ZFYVE9: variants seen among roughly 807,000 people sequenced by gnomAD.
ZFYVE9 encodes zinc finger FYVE domain-containing protein 9.
ZFYVE9 carries 43 observed loss-of-function variants against 126.7 expected under a neutral mutation model. That is an observed-to-expected ratio of 0.34 (90% CI 0.27 to 0.44). The LOEUF is 0.44. ZFYVE9 is among the 20% of genes least tolerant of loss of function. ZFYVE9 has a pLI of 1.00. For missense variants in ZFYVE9, 1,476 were observed against 1,697.0 expected, an observed-to-expected ratio of 0.87 and a Z score of 2.29; for synonymous variants, 521 against 597.4, an observed-to-expected ratio of 0.87 and a Z score of 1.87.
intron 15 of ZFYVE9, among the ~76,000 whole-genome samples, chr1:52,336,679 C>T (rs907021254): frequency 6.6e-6 from 1 of 151,962 alleles, no homozygotes; most frequent in South Asian, 2.1e-4. Context: ...AGGAGTTAAA[C>T]AGTCATTTGG....
intron 6 of ZFYVE9, 47 bp downstream of exon 6, chr1:52,266,878 T>C: frequency 1.3e-6 from 2 of 1,490,590 alleles, no homozygotes; most frequent in Non-Finnish European, 1.8e-6. Flanking sequence ...ACGAAGTTCC[T>C]CTGAAAAGGT....
At chr1:52,164,450 G>A (rs1572066714) in intron 1 of ZFYVE9, among the ~76,000 whole-genome samples, 2 of 152,020 alleles carry the variant, frequency 1.3e-5, no homozygotes, top group South Asian at 4.1e-4. Flanking sequence ...CTCACCTCAA[G>A]TAATCCACCC....
At chr1:52,296,035 A>C in intron 12 of ZFYVE9, 58 bp downstream of exon 12, 1 of 1,482,650 alleles carries the variant, frequency 6.7e-7, no homozygotes, top group Admixed American at 1.8e-5. Context: ...GAGAAGGAAG[A>C]AAGCAATTTT....
Position 52,168,983 on chromosome 1 carries a change from A to G in ZFYVE9, c.-143+26580A>G, listed in dbSNP as rs182883999. 3.3e-3 allele frequency among the ~76,000 whole-genome samples: 503 copies of G among 151,998 alleles called. 2 individuals carry two copies. Among genetic ancestry groups the G allele is most frequent in the Admixed American group, 3.3e-3 (51 of 15,266 alleles). Reference sequence around the variant, plus strand: ...CATCTGCTACTCTTTCCCTCCCTTAATCTGTGCTTTGTTCTTGCTGTCCCT... The same window carrying G: ...CATCTGCTACTCTTTCCCTCCCTTAGTCTGTGCTTTGTTCTTGCTGTCCCT... On this transcript the variant is annotated intron_variant, in intron 1 of 18. Coordinates refer to ENST00000287727, the MANE Select transcript of ZFYVE9 (RefSeq NM_004799.4).
intron 1 of ZFYVE9, among the ~76,000 whole-genome samples, chr1:52,172,728 G>A (rs1409514046): frequency 6.6e-6 from 1 of 151,520 alleles, no homozygotes; most frequent in East Asian, 1.9e-4. Flanking sequence ...TCCCTTGTAA[G>A]TTGGATTCCT....
At chr1:52,235,312 C>T (rs1645263757) in intron 3 of ZFYVE9, among the ~76,000 whole-genome samples, 1 of 151,894 alleles carries the variant, frequency 6.6e-6, no homozygotes, top group Admixed American at 6.6e-5. Flanking sequence ...AAAAATATAC[C>T]ACAGACTGTG....
In ZFYVE9 at chr1:52,203,547, G is replaced by GT. The variant is rs200266788; in HGVS notation, c.-142-12814dup. 3.4e-4 allele frequency among the ~76,000 whole-genome samples: 49 copies of GT among 144,628 alleles called. No homozygotes were observed. In the East Asian group the frequency reaches 4.7e-3, roughly 14 times the overall value. 94.9% of individuals were successfully genotyped at this position (144,628 alleles called of 152,430 possible). A position where few individuals can be genotyped will look rare whatever the true frequency, so the allele number is the denominator to read the frequency against. The stretch of plus-strand genomic sequence containing the variant: ...ATAGTTTGAATATAACTATGTATAG[G>GT]TTTTTTTTGGCATTTTTCATGCTTG... On this transcript the variant is annotated intron_variant, in intron 1 of 18. Transcript: ENST00000287727.
chr1:52,335,300 C>T (rs936669070), intron 15 of ZFYVE9: 1 of 153,370 alleles, frequency 6.5e-6, no homozygotes, highest in Non-Finnish European at 1.5e-5. Context: ...TTTTATCATG[C>T]TTGCTTATCC....
rs182903296 is a variant in ZFYVE9 at position 52,201,771 on chromosome 1, T to A, written c.-142-14598T>A. Among the ~76,000 whole-genome samples, 551 of 151,498 alleles carry A rather than the reference T, an allele frequency of 3.6e-3. 1 individual carries two copies. The highest frequency in any genetic ancestry group is 6.2e-3 in the Non-Finnish European group (424 of 67,928). On this transcript the variant is annotated intron_variant, in intron 1 of 18. Coordinates refer to ENST00000287727, the MANE Select transcript of ZFYVE9 (RefSeq NM_004799.4). ...TTCAAAGCAATTTTTAAAAAAAAAA[T>A]TATTTTATGTATTTATTTATTTATT...
intron 1 of ZFYVE9, among the ~76,000 whole-genome samples, chr1:52,190,920 T>C (rs1644810648): frequency 6.6e-6 from 1 of 152,112 alleles, no homozygotes; most frequent in African/African-American, 2.4e-5. Flanking sequence ...AAATATCTAT[T>C]ATATTTTATG....
chr1:52,178,314 T>C (rs1302056605), intron 1 of ZFYVE9, among the ~76,000 whole-genome samples: 2 of 146,954 alleles, frequency 1.4e-5, no homozygotes, highest in Non-Finnish European at 3.0e-5. Flanking sequence ...GGTAGGCTAC[T>C]TGGGCATATT....
intron 1 of ZFYVE9, among the ~76,000 whole-genome samples, chr1:52,146,644 G>A (rs1004286816): frequency 3.3e-5 from 5 of 151,794 alleles, no homozygotes; most frequent in Admixed American, 6.6e-5. Context: ...TGGTAAATCC[G>A]GACTCTGGAA....
At chr1:52,338,477 C>T (rs1646408415) in intron 16 of ZFYVE9, among the ~76,000 whole-genome samples, 1 of 152,204 alleles carries the variant, frequency 6.6e-6, no homozygotes, top group Non-Finnish European at 1.5e-5. Flanking sequence ...TTCCCCCTCA[C>T]CCCTTTCTTC....
chr1:52,147,732 A>G (rs960017106), intron 1 of ZFYVE9, among the ~76,000 whole-genome samples: 1 of 152,156 alleles, frequency 6.6e-6, no homozygotes, highest in East Asian at 1.9e-4. Context: ...ATTTATAGGG[A>G]TGGAATTGCT....
At chr1:52,220,735 C>T (rs1247487990) in intron 2 of ZFYVE9, among the ~76,000 whole-genome samples, 2 of 152,084 alleles carry the variant, frequency 1.3e-5, no homozygotes, top group Non-Finnish European at 2.9e-5. Flanking sequence ...TCTGGTAATG[C>T]CTGCTTTCCC....
At chr1:52,248,026 G>T (rs1320909327) in intron 4 of ZFYVE9, among the ~76,000 whole-genome samples, 1 of 152,128 alleles carries the variant, frequency 6.6e-6, no homozygotes, top group African/African-American at 2.4e-5. Flanking sequence ...ATATATATAT[G>T]ACTTTAATAG....
intron 1 of ZFYVE9, among the ~76,000 whole-genome samples, chr1:52,213,512 C>T (rs775421738): frequency 7.9e-5 from 12 of 151,932 alleles, no homozygotes; most frequent in Non-Finnish European, 1.3e-4. Flanking sequence ...ATTAGCCGGG[C>T]CTGGTGGCGT....
At chr1:52,162,311 C>T in intron 1 of ZFYVE9, 1 of 399,716 alleles carries the variant, frequency 2.5e-6, no homozygotes, top group African/African-American at 2.1e-5. Context: ...ATGATATCCT[C>T]TATCATAGTA....
chr1:52,207,777 G>A (rs1355992935), intron 1 of ZFYVE9, among the ~76,000 whole-genome samples: 1 of 152,156 alleles, frequency 6.6e-6, no homozygotes, highest in Non-Finnish European at 1.5e-5. Context: ...CTAGTCCACT[G>A]ATTGGTTTCA....
Sources: allele counts gnomAD v4.1 joint callset (sites outside exome capture counted in the v4.1 genomes callset), GRCh38; gene constraint gnomAD v4.1.1; transcripts MANE v1.5; gene names NCBI Gene and HGNC (gene_info 2026-07-23, HGNC 2026-07-21).